Variants in CAMTA1 observed in about 807,000 individuals in gnomAD.
CAMTA1 encodes the protein calmodulin-binding transcription activator 1.
In CAMTA1, 27 loss-of-function variants were observed where a neutral mutation model predicts 170.9. The observed-to-expected ratio is 0.16, with a 90% confidence interval of 0.12 to 0.22. The LOEUF (loss-of-function observed/expected upper bound fraction) is 0.22. Ranked by LOEUF, CAMTA1 falls within the 10% of genes least tolerant of loss-of-function variation. The pLI is 1.00. For synonymous variants in CAMTA1, 833 were observed against 891.5 expected (o/e 0.93, Z 1.17); for missense variants, 1,619 against 2,217.2 (o/e 0.73, Z 5.42).
intron 6 of CAMTA1, among the ~76,000 whole-genome samples, chr1:7,594,142 GGAAGGAAGGAAA>G (rs1337820980): frequency 8.0e-6 from 1 of 125,526 alleles, no homozygotes; most frequent in African/African-American, 3.8e-5. Flanking sequence ...AAAGAAAGAA[GGAAGGAAGGAAA>G]GAAGGAAGGA....
At chr1:7,755,995 G>A (rs990716973) in intron 22 of CAMTA1, among the ~76,000 whole-genome samples, 5 of 152,264 alleles carry the variant, frequency 3.3e-5, no homozygotes, top group Middle Eastern at 3.4e-3. Flanking sequence ...GCCAAATAAC[G>A]CTGCGTTATA....
chr1:7,393,485 C>T (rs1366829830), intron 5 of CAMTA1, among the ~76,000 whole-genome samples: 1 of 152,010 alleles, frequency 6.6e-6, no homozygotes, highest in Non-Finnish European at 1.5e-5. Flanking sequence ...CCTATGTTGC[C>T]CAGGCTGGTC....
chr1:7,354,288 A>T (rs1289773150), intron 5 of CAMTA1, among the ~76,000 whole-genome samples: 1 of 151,866 alleles, frequency 6.6e-6, no homozygotes, highest in Non-Finnish European at 1.5e-5. Context: ...AGCTGGGACT[A>T]CAGGCGCCTG....
intron 5 of CAMTA1, among the ~76,000 whole-genome samples, chr1:7,427,471 C>A (rs1449642776): frequency 6.6e-6 from 1 of 152,154 alleles, no homozygotes; most frequent in Admixed American, 6.5e-5. Flanking sequence ...GGAAGCTCTG[C>A]AGAGTCTAAA....
intron 5 of CAMTA1, among the ~76,000 whole-genome samples, chr1:7,280,697 ATTG>A (rs1671383584): frequency 6.6e-6 from 1 of 152,224 alleles, no homozygotes; most frequent in South Asian, 2.1e-4. Flanking sequence ...CAGTGGTGGG[ATTG>A]TAATTCAAAT....
chr1:7,206,274 T>A (rs1657720250), intron 4 of CAMTA1, among the ~76,000 whole-genome samples: 1 of 152,238 alleles, frequency 6.6e-6, no homozygotes, highest in Non-Finnish European at 1.5e-5. Context: ...GGCATTGTGA[T>A]GATACTGAGT....
intron 19 of CAMTA1, among the ~76,000 whole-genome samples, chr1:7,750,647 G>A (rs898759940): frequency 4.6e-5 from 7 of 152,208 alleles, no homozygotes; most frequent in Admixed American, 2.6e-4. Context: ...TTGGTCTTAC[G>A]AGTGTTCATC....
chr1:7,388,764 T>C (rs894218965), intron 5 of CAMTA1, among the ~76,000 whole-genome samples: 1 of 152,098 alleles, frequency 6.6e-6, no homozygotes, highest in African/African-American at 2.4e-5. Flanking sequence ...CCACTTGGAG[T>C]TACCAGGAAC....
chr1:7,161,546 A>T lies in CAMTA1; in HGVS notation c.302+70175A>T, dbSNP rs114033615. Among the ~76,000 whole-genome samples, 524 of 152,154 alleles carry T rather than the reference A, an allele frequency of 3.4e-3. 5 individuals are homozygous for T. The highest frequency in any genetic ancestry group is 0.012 in the African/African-American group (498 of 41,496). ...CATGATAGTGAATGAGTCTCAGGAG[A>T]TTGGATGGTTTTAAAAACAAGAGTT... On this transcript the variant is annotated intron_variant, in intron 4 of 22. Coordinates refer to ENST00000303635, the MANE Select transcript of CAMTA1 (RefSeq NM_015215.4).
chr1:6,830,100 G>T (rs1297868322), intron 3 of CAMTA1, among the ~76,000 whole-genome samples: 7 of 151,404 alleles, frequency 4.6e-5, no homozygotes, highest in African/African-American at 1.7e-4. Flanking sequence ...GCAGTGGCGC[G>T]ATCTCCGCTC....
At chr1:7,404,705 T>A (rs2090162851) in intron 5 of CAMTA1, among the ~76,000 whole-genome samples, 1 of 152,112 alleles carries the variant, frequency 6.6e-6, no homozygotes, top group Non-Finnish European at 1.5e-5. Context: ...CTCTGAGACA[T>A]GGAGCCACCC....
chr1:7,494,143 C>T (rs898122089), intron 6 of CAMTA1, among the ~76,000 whole-genome samples: 1 of 138,860 alleles, frequency 7.2e-6, no homozygotes, highest in Non-Finnish European at 1.5e-5. Flanking sequence ...TTCTCCAGAT[C>T]TGCTGTTCAA....
Position 7,525,449 on chromosome 1 carries a change from T to TG in CAMTA1, c.510+57548_510+57549insG, listed in dbSNP as rs149522382. ...TACGCTATTGATGTTCTTGTGTGTG[T>TG]TTTTTTTAATCAAGGGAACAATTTC... On this transcript the variant is annotated intron_variant, in intron 6 of 22. Transcript: ENST00000303635. Among the ~76,000 whole-genome samples, 954 of 151,932 alleles carry TG rather than the reference T, an allele frequency of 6.3e-3. 11 individuals carry two copies. Among genetic ancestry groups the TG allele is most frequent in the African/African-American group, 0.022 (914 of 41,416 alleles).
At chr1:7,424,457 G>A (rs1044574573) in intron 5 of CAMTA1, among the ~76,000 whole-genome samples, 1 of 151,698 alleles carries the variant, frequency 6.6e-6, no homozygotes, top group African/African-American at 2.4e-5. Context: ...GATGAGGGGG[G>A]GTGGGGGTGG....
At chr1:7,354,089 C>T (rs1465804985) in intron 5 of CAMTA1, among the ~76,000 whole-genome samples, 1 of 151,972 alleles carries the variant, frequency 6.6e-6, no homozygotes, top group Non-Finnish European at 1.5e-5. Flanking sequence ...ACCATGATTT[C>T]ATTCCTCTTT....
At position 7,643,459 on chromosome 1, in the gene CAMTA1, C is replaced by T. The variant is rs75759225; in HGVS notation, c.664+2906C>T. ...AGCCTGGGCCTTCCCAAATTCTTCT[C>T]GACACACACAGACAGCCCTTCTCCT... On this transcript the variant is annotated intron_variant, in intron 7 of 22. Coordinates refer to ENST00000303635, the MANE Select transcript of CAMTA1 (RefSeq NM_015215.4). Among the ~76,000 whole-genome samples the T allele has an allele frequency of 3.7e-3, 570 of 152,320 alleles. 6 individuals carry two copies. Among genetic ancestry groups the T allele is most frequent in the African/African-American group, 0.013 (550 of 41,566 alleles).
At chr1:7,308,835 T>G (rs1211692123) in intron 5 of CAMTA1, among the ~76,000 whole-genome samples, 1 of 152,120 alleles carries the variant, frequency 6.6e-6, no homozygotes, top group Non-Finnish European at 1.5e-5. Context: ...TCAGTTGGAG[T>G]TGGTTGATGG....
At position 7,736,239 on chromosome 1, in the gene CAMTA1, G is replaced by A. The variant is rs976199973; in HGVS notation, c.3067-105G>A. The stretch of plus-strand genomic sequence containing the variant: ...TTATTTTCAGTGTTTTATGTTTTCC[G>A]TTGTGAGTTTCTAATCGTAAAGCAT... On this transcript the variant is annotated intron_variant, in intron 12 of 22. Transcript: ENST00000303635. This position sits in a 1 kb window ranked among gnomAD's most constrained non-coding sequence, Gnocchi z 4.5. The A allele has an allele frequency of 1.9e-5, 18 of 936,480 alleles. No homozygotes were observed. The highest frequency in any genetic ancestry group is 2.8e-5 in the Non-Finnish European group (17 of 615,396). The allele number at this position is 936,480 out of a possible 1,614,324, so 58.0% of individuals were successfully genotyped here. A position where few individuals can be genotyped will look rare whatever the true frequency, so the allele number is the denominator to read the frequency against.
At chr1:7,026,354 G>GT (rs1557990867) in intron 3 of CAMTA1, among the ~76,000 whole-genome samples, 1 of 152,134 alleles carries the variant, frequency 6.6e-6, no homozygotes, top group African/African-American at 2.4e-5. Flanking sequence ...TGTCCAGGGG[G>GT]GGAGTCATCC....
Sources: gnomAD v4.1 joint callset for allele counts (sites outside exome capture counted in the v4.1 genomes callset) on GRCh38, gnomAD v4.1.1 for gene constraint, Gnocchi (gnomAD v3.1) non-coding constraint, MANE v1.5 for transcripts, NCBI Gene and HGNC (gene_info 2026-07-23, HGNC 2026-07-21) for gene names.